Variants in CTNNA2 observed in about 807,000 individuals in gnomAD.
CTNNA2 encodes the protein catenin alpha-2.
In CTNNA2, 42 loss-of-function variants were observed where a neutral mutation model predicts 101.0. The observed-to-expected ratio is 0.42, with a 90% CI of 0.32 to 0.54. The LOEUF (loss-of-function observed/expected upper bound fraction) is 0.54, where lower values mean the gene tolerates loss of function less well. Among genes scored for constraint, CTNNA2 ranks in the 20% least tolerant of loss-of-function variants. The pLI is 0.14. For missense variants in CTNNA2, 871 were observed against 1,223.1 expected (o/e 0.71, Z 4.29); for synonymous variants, 450 against 456.4 (o/e 0.99, Z 0.18).
chr2:80,542,626 C>G (rs1214729571), intron 9 of CTNNA2, among the ~76,000 whole-genome samples: 1 of 151,834 alleles, frequency 6.6e-6, no homozygotes, highest in Non-Finnish European at 1.5e-5. Flanking sequence ...ATTCTTGGGG[C>G]ATTTTTAAGT....
intron 7 of CTNNA2, among the ~76,000 whole-genome samples, chr2:80,135,730 G>GTTT (rs2148901252): frequency 6.6e-6 from 1 of 152,244 alleles, no homozygotes; most frequent in South Asian, 2.1e-4. Flanking sequence ...TTACAGTCTA[G>GTTT]ACTCCAGAAA....
At chr2:79,367,924 A>G (rs1481252823) in intron 3 of CTNNA2, among the ~76,000 whole-genome samples, 1 of 152,202 alleles carries the variant, frequency 6.6e-6, no homozygotes, top group East Asian at 1.9e-4. Context: ...TTCTTTATAT[A>G]CTAGAGAAAA....
At chr2:80,247,978 G>GC (rs35366664) in intron 7 of CTNNA2, among the ~76,000 whole-genome samples, 98,587 of 151,640 alleles carry the variant, frequency 0.65, 32,127 homozygotes, top group African/African-American at 0.69. Context: ...AATTCTAAAA[G>GC]CCTTTAAAAT....
chr2:80,015,243 C>T (rs1379499660), intron 7 of CTNNA2, among the ~76,000 whole-genome samples: 1 of 152,122 alleles, frequency 6.6e-6, no homozygotes, highest in African/African-American at 2.4e-5. Flanking sequence ...CACATAATAT[C>T]CCTTTTCCCC....
intron 4 of CTNNA2, among the ~76,000 whole-genome samples, chr2:79,501,672 C>T (rs1671321071): frequency 6.6e-6 from 1 of 152,100 alleles, no homozygotes; most frequent in Non-Finnish European, 1.5e-5. Context: ...AAAATATTTG[C>T]TCATTTATTG....
intron 1 of CTNNA2, among the ~76,000 whole-genome samples, chr2:79,552,746 T>G (rs1313854815): frequency 2.0e-5 from 3 of 152,196 alleles, no homozygotes; most frequent in Non-Finnish European, 4.4e-5. Flanking sequence ...CAGCCTGAGC[T>G]GCTCCTTGGT....
At chr2:79,608,966 G>A (rs781049547) in intron 1 of CTNNA2, among the ~76,000 whole-genome samples, 26 of 151,944 alleles carry the variant, frequency 1.7e-4, no homozygotes, top group African/African-American at 6.0e-4. Flanking sequence ...GAGAAAATGG[G>A]GTTGTCTGTG....
At chr2:79,917,433 C>T (rs1432955768) in intron 7 of CTNNA2, among the ~76,000 whole-genome samples, 2 of 152,122 alleles carry the variant, frequency 1.3e-5, no homozygotes, top group Non-Finnish European at 2.9e-5. Context: ...TGTTACCAAT[C>T]CTTTCTCTGA....
chr2:80,004,650 G>A (rs1693198253), intron 7 of CTNNA2, among the ~76,000 whole-genome samples: 1 of 151,162 alleles, frequency 6.6e-6, no homozygotes, highest in African/African-American at 2.4e-5. Flanking sequence ...AGCAGAGGCA[G>A]CATTTATTTT....
At chr2:80,587,489 C>G (rs950277161) in intron 14 of CTNNA2, among the ~76,000 whole-genome samples, 1 of 152,132 alleles carries the variant, frequency 6.6e-6, no homozygotes, top group African/African-American at 2.4e-5. Context: ...CCCACCATCA[C>G]CTTTTGAGGT....
chr2:79,441,191 G>A (rs1010846590), intron 4 of CTNNA2, among the ~76,000 whole-genome samples: 2 of 152,122 alleles, frequency 1.3e-5, no homozygotes, highest in Non-Finnish European at 2.9e-5. Flanking sequence ...TCCTATACAA[G>A]GAATGTATGT....
intron 1 of CTNNA2, chr2:79,547,242 A>G (rs1673794275): frequency 6.6e-6 from 1 of 152,170 alleles, no homozygotes; most frequent in Non-Finnish European, 1.5e-5. Context: ...TGTTTTCTCT[A>G]ATATGCTTCA....
intron 2 of CTNNA2, among the ~76,000 whole-genome samples, chr2:79,251,227 A>G (rs1044711923): frequency 1.3e-5 from 2 of 152,126 alleles, no homozygotes; most frequent in Non-Finnish European, 2.9e-5. Flanking sequence ...GCGCTTCCGA[A>G]GCAGGCTGCA....
chr2:79,470,715 G>A (rs78122150), intron 4 of CTNNA2, among the ~76,000 whole-genome samples: 6,843 of 152,172 alleles, frequency 0.045, 445 homozygotes, highest in African/African-American at 0.15. Context: ...CAACCGTTGC[G>A]TCCACCTCTG....
chr2:80,596,279 G>GTTTTTTTTTTTTT lies in CTNNA2; in HGVS notation c.2189+6830_2189+6842dup, dbSNP rs60132060. The stretch of plus-strand genomic sequence containing the variant: ...AGTTTTTTTGGGCTGAGACAAGGTT[G>GTTTTTTTTTTTTT]TTTTTTTTTTTTTTTTTTTTTTTTT... On this transcript the variant is annotated intron_variant, in intron 15 of 18. Coordinates refer to ENST00000402739, the MANE Select transcript of CTNNA2 (RefSeq NM_001282597.3). Among the ~76,000 whole-genome samples, 71 of 35,322 alleles carry GTTTTTTTTTTTTT rather than the reference G, an allele frequency of 2.0e-3. 27 individuals are homozygous for GTTTTTTTTTTTTT. The highest frequency in any genetic ancestry group is 3.0e-3 in the Admixed American group (7 of 2,318). 23.2% of individuals were successfully genotyped at this position (35,322 alleles called of 152,430 possible). A position where few individuals can be genotyped will look rare whatever the true frequency, so the allele number is the denominator to read the frequency against.
chr2:79,246,161 T>G (rs2104264144), intron 2 of CTNNA2, among the ~76,000 whole-genome samples: 1 of 152,358 alleles, frequency 6.6e-6, no homozygotes, highest in Non-Finnish European at 1.5e-5. Flanking sequence ...AGCTTTGTAC[T>G]TCTTGAATAA....
intron 3 of CTNNA2, among the ~76,000 whole-genome samples, chr2:79,844,828 C>T (rs200341289): frequency 2.2e-4 from 34 of 151,986 alleles, no homozygotes; most frequent in Admixed American, 1.9e-3. Context: ...CATCTATACT[C>T]TGTCTTTTAG....
intron 7 of CTNNA2, among the ~76,000 whole-genome samples, chr2:80,290,743 C>T (rs983875023): frequency 2.0e-5 from 3 of 152,084 alleles, no homozygotes; most frequent in African/African-American, 7.2e-5. Context: ...ATGTTTGCTC[C>T]CTCAGTGCCA....
chr2:80,404,668 C>T (rs912898908), intron 8 of CTNNA2, among the ~76,000 whole-genome samples: 3 of 152,054 alleles, frequency 2.0e-5, no homozygotes, highest in Non-Finnish European at 4.4e-5. Context: ...ATCGTGGGTT[C>T]GTAGGTTCTT....
Sources: gnomAD v4.1 joint callset for allele counts (sites outside exome capture counted in the v4.1 genomes callset) on GRCh38, gnomAD v4.1.1 for gene constraint, MANE v1.5 for transcripts, NCBI Gene and HGNC (gene_info 2026-07-23, HGNC 2026-07-21) for gene names.